DCHS2: variants seen among roughly 807,000 people sequenced by gnomAD.
DCHS2 encodes dachsous cadherin-related 2.
A neutral mutation model predicts 182.4 loss-of-function variants in DCHS2; 142 were observed. The observed-to-expected ratio is 0.78, with a 90% CI of 0.68 to 0.89. The LOEUF (loss-of-function observed/expected upper bound fraction) is 0.89, where lower values mean the gene tolerates loss of function less well. Among genes scored for constraint, DCHS2 ranks in the 40% least tolerant of loss-of-function variants. The probability of loss-of-function intolerance (pLI) is 0.00; values close to 1 mark genes in which losing one functional copy is unlikely to be tolerated. For missense variants in DCHS2, 4,319 were observed against 4,198.6 expected, an observed-to-expected ratio of 1.03 and a Z score of -0.79; for synonymous variants, 1,740 against 1,663.3, an observed-to-expected ratio of 1.05 and a Z score of -1.12.
At chr4:154,436,402 G>C (rs928078530) in intron 1 of DCHS2, among the ~76,000 whole-genome samples, 1 of 152,046 alleles carries the variant, frequency 6.6e-6, no homozygotes, top group South Asian at 2.1e-4. Flanking sequence ...CAGTGTTTCT[G>C]ATTAATTAAA....
intron 13 of DCHS2, among the ~76,000 whole-genome samples, chr4:154,289,141 T>A (rs1436844352): frequency 2.0e-5 from 3 of 151,656 alleles, no homozygotes; most frequent in Non-Finnish European, 4.4e-5. Flanking sequence ...CAAAGATCAA[T>A]GAAACAAAAA....
At chr4:154,278,060 TTAAAA>T (rs1733945748) in intron 13 of DCHS2, among the ~76,000 whole-genome samples, 1 of 150,816 alleles carries the variant, frequency 6.6e-6, no homozygotes, top group African/African-American at 2.4e-5. Flanking sequence ...AAAAAAGAAT[TTAAAA>T]TAATTACACA....
At chr4:154,272,795 G>A (rs979205871) in intron 13 of DCHS2, among the ~76,000 whole-genome samples, 1 of 152,100 alleles carries the variant, frequency 6.6e-6, no homozygotes, top group Admixed American at 6.6e-5. Context: ...CTTTTAAATT[G>A]TAGCCATCCT....
chr4:154,438,589 C>T (rs868401687), intron 1 of DCHS2, among the ~76,000 whole-genome samples: 72 of 152,088 alleles, frequency 4.7e-4, no homozygotes, highest in African/African-American at 1.5e-3. Flanking sequence ...GCGCTAACAT[C>T]GGTAAACTTA....
chr4:154,337,694 T>G (rs1319927458), intron 3 of DCHS2, among the ~76,000 whole-genome samples: 3 of 152,072 alleles, frequency 2.0e-5, no homozygotes, highest in Admixed American at 1.3e-4. Flanking sequence ...CCAGAACAAC[T>G]TCTTCATCTT....
intron 1 of DCHS2, among the ~76,000 whole-genome samples, chr4:154,409,130 T>C (rs1490674): frequency 0.3 from 46,239 of 152,026 alleles, 8,815 homozygotes; most frequent in East Asian, 0.65. Flanking sequence ...CACCTAGTCC[T>C]ACAGGCCAAG....
chr4:154,327,845 T>C (rs1736345565), intron 7 of DCHS2, among the ~76,000 whole-genome samples: 2 of 152,196 alleles, frequency 1.3e-5, no homozygotes, highest in Admixed American at 1.3e-4. Flanking sequence ...TCACTAAAGA[T>C]GAATGGTTTC....
At chr4:154,489,159 T>C (rs772838961) in intron 1 of DCHS2, 145 bp downstream of exon 1, 8 of 680,288 alleles carry the variant, frequency 1.2e-5, no homozygotes, top group Non-Finnish European at 1.9e-5. Flanking sequence ...GCATCATTCA[T>C]CTCACTGTAG....
At chr4:154,271,652 T>C (rs915876274) in intron 13 of DCHS2, among the ~76,000 whole-genome samples, 1 of 152,194 alleles carries the variant, frequency 6.6e-6, no homozygotes, top group African/African-American at 2.4e-5. Context: ...TTGATGTCCT[T>C]GTAATATTTT....
chr4:154,415,590 T>TG, intron 1 of DCHS2, among the ~76,000 whole-genome samples: 1 of 152,316 alleles, frequency 6.6e-6, no homozygotes, highest in East Asian at 1.9e-4. Context: ...CTTCCGGTAC[T>TG]GGGGGAAAGA....
intron 1 of DCHS2, among the ~76,000 whole-genome samples, chr4:154,483,115 A>C (rs1206429660): frequency 6.6e-6 from 1 of 152,192 alleles, no homozygotes; most frequent in Non-Finnish European, 1.5e-5. Flanking sequence ...TGTGTGGGGC[A>C]GGGGGAGATA....
At chr4:154,453,893 G>C (rs1372393438) in intron 1 of DCHS2, among the ~76,000 whole-genome samples, 1 of 152,104 alleles carries the variant, frequency 6.6e-6, no homozygotes, top group Non-Finnish European at 1.5e-5. Flanking sequence ...AGGAAATACT[G>C]TTACTGTGAT....
intron 1 of DCHS2, chr4:154,384,402 T>A: frequency 6.2e-7 from 1 of 1,613,600 alleles, no homozygotes; most frequent in Non-Finnish European, 8.5e-7. Flanking sequence ...GTTCTCTTCC[T>A]GGCTTCTGAA....
intron 1 of DCHS2, among the ~76,000 whole-genome samples, chr4:154,393,816 G>A (rs940850768): frequency 6.6e-6 from 1 of 152,038 alleles, no homozygotes; most frequent in Admixed American, 6.6e-5. Context: ...ATGTCCTGAT[G>A]GTGTCTGTCT....
chr4:154,451,888 C>A (rs1227142228), intron 1 of DCHS2, among the ~76,000 whole-genome samples: 2 of 152,328 alleles, frequency 1.3e-5, no homozygotes, highest in Non-Finnish European at 2.9e-5. Flanking sequence ...ACAGACTTCT[C>A]TAAATGGGCA....
chr4:154,340,779 A>T (rs1729026778), intron 3 of DCHS2, among the ~76,000 whole-genome samples: 1 of 152,234 alleles, frequency 6.6e-6, no homozygotes, highest in Non-Finnish European at 1.5e-5. Flanking sequence ...AATTATAGAG[A>T]GTTATACAAA....
chr4:154,331,345 C>A (rs1479192747), intron 5 of DCHS2, among the ~76,000 whole-genome samples: 1 of 151,906 alleles, frequency 6.6e-6, no homozygotes, highest in African/African-American at 2.4e-5. Context: ...GGGAAGATCA[C>A]GGGGGAATCA....
At chr4:154,473,097 G>A (rs1368788091) in intron 1 of DCHS2, among the ~76,000 whole-genome samples, 1 of 152,146 alleles carries the variant, frequency 6.6e-6, no homozygotes, top group Non-Finnish European at 1.5e-5. Context: ...CTACAGAAAT[G>A]GGGAAAGCCA....
intron 17 of DCHS2, 85 bp downstream of exon 17, chr4:154,242,557 T>A: frequency 6.6e-7 from 1 of 1,515,456 alleles, no homozygotes; most frequent in South Asian, 1.4e-5. Context: ...TTAGCACTCA[T>A]GTTAATACAG....
Sources: gnomAD v4.1 joint callset for allele counts (sites outside exome capture counted in the v4.1 genomes callset) on GRCh38, gnomAD v4.1.1 for gene constraint, MANE v1.5 for transcripts, NCBI Gene and HGNC (gene_info 2026-07-23, HGNC 2026-07-21) for gene names.